The following RARS2 variants were observed in gnomAD, a reference collection of about 807,000 sequenced individuals.
The protein encoded by RARS2 is probable arginine--tRNA ligase, mitochondrial.
In RARS2, 67 loss-of-function variants were observed where a neutral mutation model predicts 88.5. That is an observed-to-expected ratio of 0.76 (90% CI 0.62 to 0.93). The LOEUF is 0.93. Among genes scored for constraint, RARS2 ranks in the 40% least tolerant of loss-of-function variants. RARS2 has a pLI of 0.00. For synonymous variants in RARS2, 239 were observed against 230.3 expected (o/e 1.04, Z -0.34); for missense variants, 664 against 684.2 (o/e 0.97, Z 0.33).
At chr6:87,535,898 T>G (rs1289914228) in intron 8 of RARS2, among the ~76,000 whole-genome samples, 1 of 151,984 alleles carries the variant, frequency 6.6e-6, no homozygotes, top group Non-Finnish European at 1.5e-5. Flanking sequence ...TTGCTGAGGC[T>G]GGTCTCAAAC....
rs1358541917 is a variant in RARS2, at chr6:87,526,245, GTGGC to G, written c.879-1597_879-1594del. 2.0e-5 allele frequency among the ~76,000 whole-genome samples: 3 copies of G among 152,292 alleles called. No homozygotes were observed. In the East Asian group the frequency reaches 5.8e-4, roughly 29 times the overall value. ...AAAGAATAAAGTTGGGCCAGCTGTG[GTGGC>G]TCACGTCTATAATCCCAGCACTTTG... On this transcript the variant is annotated intron_variant, in intron 10 of 19. Transcript: ENST00000369536.
intron 11 of RARS2, 147 bp from the exon 12 acceptor site, chr6:87,521,671 G>A (rs1360510439): frequency 8.7e-5 from 52 of 599,158 alleles, no homozygotes; most frequent in Non-Finnish European, 1.2e-4. Flanking sequence ...TAGATAATCC[G>A]AATATCATGT....
intron 8 of RARS2, among the ~76,000 whole-genome samples, chr6:87,533,357 TATCA>T (rs1778145766): frequency 6.6e-6 from 1 of 152,218 alleles, no homozygotes; most frequent in Admixed American, 6.5e-5. Flanking sequence ...CAACTGACAC[TATCA>T]AAGAGAAGAG....
intron 8 of RARS2, among the ~76,000 whole-genome samples, chr6:87,541,139 T>C (rs1289477950): frequency 6.6e-6 from 1 of 152,190 alleles, no homozygotes; most frequent in African/African-American, 2.4e-5. Flanking sequence ...TAAAAAATCT[T>C]AGATTAGGAA....
intron 3 of RARS2, among the ~76,000 whole-genome samples, chr6:87,563,151 T>C (rs1383984681): frequency 6.6e-6 from 1 of 152,232 alleles, no homozygotes; most frequent in Non-Finnish European, 1.5e-5. Context: ...GAACATGACA[T>C]TCTGTCAGGG....
At chr6:87,527,302 C>T (rs935905884) in intron 10 of RARS2, among the ~76,000 whole-genome samples, 4 of 151,570 alleles carry the variant, frequency 2.6e-5, no homozygotes, top group Admixed American at 1.3e-4. Context: ...AGTGAGACCC[C>T]GTCTCAAAAA....
chr6:87,526,291 G>A (rs1775670007), intron 10 of RARS2, among the ~76,000 whole-genome samples: 1 of 152,182 alleles, frequency 6.6e-6, no homozygotes, highest in Non-Finnish European at 1.5e-5. Flanking sequence ...CAAGGCAAGT[G>A]GATCACTTGA....
At chr6:87,526,053 G>GA (rs2128042365) in intron 10 of RARS2, among the ~76,000 whole-genome samples, 1 of 152,164 alleles carries the variant, frequency 6.6e-6, no homozygotes, top group Non-Finnish European at 1.5e-5. Flanking sequence ...TAATGGATTG[G>GA]AAAAATCAAT....
intron 1 of RARS2, among the ~76,000 whole-genome samples, chr6:87,577,694 TATAA>T (rs1459895409): frequency 6.6e-6 from 1 of 152,212 alleles, no homozygotes; most frequent in East Asian, 1.9e-4. Flanking sequence ...CTAAACAGAC[TATAA>T]ATGTTATAAA....
At chr6:87,528,229 A>G (rs1207332512) in intron 10 of RARS2, among the ~76,000 whole-genome samples, 1 of 140,396 alleles carries the variant, frequency 7.1e-6, no homozygotes, top group East Asian at 2.0e-4. Context: ...ACTTGTTAAG[A>G]TGGCTTTTAT....
chr6:87,530,640 CA>C (rs199534230), intron 9 of RARS2, 143 bp downstream of exon 9: 2,892 of 891,946 alleles, frequency 3.2e-3, no homozygotes, highest in Non-Finnish European at 3.7e-3. Flanking sequence ...TCTTTCAGCC[CA>C]AAAAAAAAAT....
At chr6:87,545,980 T>C (rs1377458006) in intron 6 of RARS2, among the ~76,000 whole-genome samples, 1 of 152,016 alleles carries the variant, frequency 6.6e-6, no homozygotes, top group Non-Finnish European at 1.5e-5. Context: ...TTAGAGTAAC[T>C]GCTATTCTAG....
chr6:87,579,664 G>GA (rs1772774238), intron 1 of RARS2, among the ~76,000 whole-genome samples: 1 of 133,402 alleles, frequency 7.5e-6, no homozygotes, highest in African/African-American at 2.7e-5. Context: ...AAAAAAAAAA[G>GA]AGAGAGAGAG....
intron 8 of RARS2, among the ~76,000 whole-genome samples, chr6:87,532,868 A>G (rs987070268): frequency 1.3e-5 from 2 of 152,234 alleles, no homozygotes; most frequent in South Asian, 4.1e-4. Flanking sequence ...AGACTTTGGT[A>G]AAGTATGGGA....
At chr6:87,543,363 C>T (rs1356256505) in intron 7 of RARS2, among the ~76,000 whole-genome samples, 1 of 149,402 alleles carries the variant, frequency 6.7e-6, no homozygotes, top group Admixed American at 6.7e-5. Context: ...ACTTATTGGC[C>T]GGGGGTGATG....
chr6:87,578,612 G>C (rs571405684), intron 1 of RARS2, among the ~76,000 whole-genome samples: 9 of 152,198 alleles, frequency 5.9e-5, no homozygotes, highest in African/African-American at 2.2e-4. Context: ...GTGGTGAGGC[G>C]GGGAGAGGTA....
intron 8 of RARS2, among the ~76,000 whole-genome samples, chr6:87,531,181 T>C (rs1421578155): frequency 6.6e-6 from 1 of 152,190 alleles, no homozygotes; most frequent in Non-Finnish European, 1.5e-5. Context: ...AGAAAAGAAT[T>C]ACTCTGAAAT....
Position 87,555,518 on chromosome 6 carries a change from G to C in RARS2, c.298-13C>G, listed in dbSNP as rs773925862. The C allele has an allele frequency of 4.4e-5, 69 of 1,584,346 alleles. No individual in the cohort carries two copies. Among genetic ancestry groups the C allele is most frequent in the Non-Finnish European group, 5.7e-5 (66 of 1,153,482 alleles). ...GTTGTAGCACTGTCTGAAAATTAAA[G>C]GACTGTAATTTAATGAACAAAAATT... On this transcript the variant is annotated splice_polypyrimidine_tract_variant and intron_variant, in intron 4 of 19. Coordinates refer to ENST00000369536, the MANE Select transcript of RARS2 (RefSeq NM_020320.5).
chr6:87,569,073 G>A (rs1768822244), intron 2 of RARS2, among the ~76,000 whole-genome samples: 1 of 152,174 alleles, frequency 6.6e-6, no homozygotes, highest in Middle Eastern at 3.4e-3. Context: ...TACTCAAAAG[G>A]AAACTCAATA....
Sources: gnomAD v4.1 joint callset for allele counts (sites outside exome capture counted in the v4.1 genomes callset) on GRCh38, gnomAD v4.1.1 for gene constraint, MANE v1.5 for transcripts, NCBI Gene and HGNC (gene_info 2026-07-23, HGNC 2026-07-21) for gene names.